Variants in SLC38A5 observed in about 807,000 individuals in gnomAD.
SLC38A5 encodes the protein sodium-coupled neutral amino acid transporter 5.
Under a neutral mutation model 34.6 loss-of-function variants are expected in SLC38A5, and 9 were observed. That is an observed-to-expected ratio of 0.26 (90% CI 0.16 to 0.45). The LOEUF is 0.45. Ranked by LOEUF, SLC38A5 falls within the 20% of genes least tolerant of loss-of-function variation. The pLI, the probability that SLC38A5 is intolerant of heterozygous loss-of-function variation, is 1.00. For synonymous variants in SLC38A5, 157 were observed against 155.6 expected (o/e 1.01, Z -0.07); for missense variants, 253 against 394.7 (o/e 0.64, Z 3.04).
At position 48,460,742 on chromosome X, in the gene SLC38A5, C is replaced by A; in HGVS notation, c.975G>T (p.Leu325=). ...GCGGGTCCTTCTGGCTGTACATGTG[C>A]AGCATCTCCGCCTTCACACTGCCTG... The part of the protein sequence containing the change: ...TFYSSVKAEM[L]HMYSQKDPLI... Residue 325 remains leucine, a synonymous_variant, in exon 14 of 17, where the codon CTG becomes CTT. Coordinates refer to ENST00000620913, the MANE Select transcript of SLC38A5 (RefSeq NM_033518.4). 8.3e-7 allele frequency: 1 copy of A among 1,211,710 alleles called. No homozygotes were observed. Among genetic ancestry groups the A allele is most frequent in the Non-Finnish European group, 1.1e-6 (1 of 895,374 alleles).
At chrX:48,463,901 AAGAAAGAAAG>A (rs1569469998) in intron 8 of SLC38A5, among the ~76,000 whole-genome samples, 3 of 106,128 alleles carry the variant, frequency 2.8e-5, no homozygotes, top group Admixed American at 1.0e-4. Context: ...GAAAGAAAGA[AAGAAAGAAAG>A]AGAAAGAAAG....
chrX:48,463,847 AAG>A (rs200249289), intron 8 of SLC38A5, among the ~76,000 whole-genome samples: 10 of 73,553 alleles, frequency 1.4e-4, no homozygotes, highest in Admixed American at 5.0e-4. Flanking sequence ...GGAAGAAAGA[AAG>A]AGAGAGAAAG....
In SLC38A5 at chrX:48,459,945, TCTTTAGCTCC is replaced by T. The variant is rs1440723953; in HGVS notation, c.1069-79_1069-70del. On this transcript the variant is annotated intron_variant, in intron 14 of 16. Transcript: ENST00000620913. ...TGCCCCCCTTCCACGTGATCATCTG[TCTTTAGCTCC>T]ACCCTCTGGCTGAGATCCCTGATTT... The T allele has an allele frequency of 9.5e-4, 1,077 of 1,138,562 alleles. 5 individuals are homozygous for T. In the African/African-American group the frequency reaches 0.017, roughly 18 times the overall value. 93.8% of individuals were successfully genotyped at this position (1,138,562 alleles called of 1,213,427 possible).
rs2061488098 is a variant in SLC38A5, at chrX:48,467,635, G to A, written c.129+75C>T. The A allele has an allele frequency of 3.9e-6, 4 of 1,012,726 alleles. No individual in the cohort carries two copies. In the African/African-American group the frequency reaches 7.6e-5, roughly 19 times the overall value. The allele number at this position is 1,012,726 out of a possible 1,213,427, so 83.5% of individuals were successfully genotyped here. ...GGGAACAGCAGGGAGGAGGAGGAGT[G>A]GGGAAGAGGGAGCAGTGCGGGAGGA... On this transcript the variant is annotated intron_variant, in intron 4 of 16. Coordinates refer to ENST00000620913, the MANE Select transcript of SLC38A5 (RefSeq NM_033518.4).
chrX:48,459,439 C>G (rs1556961360), intron 16 of SLC38A5, 97 bp downstream of exon 16: 10 of 779,667 alleles, frequency 1.3e-5, no homozygotes, highest in Non-Finnish European at 1.8e-5. Context: ...TCCCAGCCCC[C>G]TCCTATGCAT....
intron 1 of SLC38A5, chrX:48,469,781 A>T (rs1556964546): frequency 8.9e-6 from 1 of 112,276 alleles, no homozygotes; most frequent in Non-Finnish European, 1.9e-5. Flanking sequence ...CACAGAAGGG[A>T]CAGAAAGACA....
At chrX:48,468,548 GC>G in intron 2 of SLC38A5, 1 of 297,669 alleles carries the variant, frequency 3.4e-6, no homozygotes, top group Non-Finnish European at 4.5e-6. Context: ...GGAGACCCCT[GC>G]CCCAGACGCT....
At position 48,460,654 on chromosome X, in the gene SLC38A5, A is replaced by G; in HGVS notation, c.1063T>C (p.Phe355Leu). Reference protein sequence around the residue: ...AVTLTVPVVLFPIRRALQQLL... With the variant: ...AVTLTVPVVLLPIRRALQQLL... ...CAGCCGTGGGCCCCACGCACAGGGA[A>G]CAGCACGACTGGCACAGTGAGGGTC... Residue 355 changes from phenylalanine to leucine, a missense_variant, in exon 14 of 17, where the codon TTC becomes CTC. By Grantham distance (22) the Phe-to-Leu change is conservative (BLOSUM62 0). Transcript: ENST00000620913. 8.3e-7 allele frequency: 1 copy of G among 1,211,386 alleles called. No homozygotes were observed. The highest frequency in any genetic ancestry group is 1.1e-6 in the Non-Finnish European group (1 of 895,227).
rs1569471226 is a variant in SLC38A5, at chrX:48,467,903, T to C, written c.22A>G (p.Met8Val). Residue 8 changes from methionine to valine, a missense_variant, in exon 3 of 17, where the codon ATG becomes GTG. Met to Val is a conservative substitution (Grantham distance 21). Coordinates refer to ENST00000620913, the MANE Select transcript of SLC38A5 (RefSeq NM_033518.4). ...GCATCCGAAGGGAGGGCTCCATTCATCTTTGGATCCTGCAGTTCCATCCTG... is the reference window on the plus strand; with the variant it reads ...GCATCCGAAGGGAGGGCTCCATTCACCTTTGGATCCTGCAGTTCCATCCTG... MELQDPKMNGALPSDAVG... is the reference protein window; with the variant it reads MELQDPKVNGALPSDAVG... 1.7e-6 allele frequency: 2 copies of C among 1,206,935 alleles called. No homozygotes were observed. Among genetic ancestry groups the C allele is most frequent in the East Asian group, 3.0e-5 (1 of 33,717 alleles).
At chrX:48,465,312 A>G in intron 8 of SLC38A5, among the ~76,000 whole-genome samples, 1 of 108,932 alleles carries the variant, frequency 9.2e-6, no homozygotes, top group East Asian at 2.9e-4. Context: ...TTCAGGGATC[A>G]CACACACACA....
intron 1 of SLC38A5, 87 bp downstream of exon 1, chrX:48,470,095 G>A (rs2061502618): frequency 8.8e-6 from 1 of 113,150 alleles, no homozygotes. Context: ...GGAGAAAAGA[G>A]GCAGAGAGAG....
Position 48,467,629 on chromosome X carries a change from A to G in SLC38A5, c.129+81T>C. 6 of 967,152 alleles carry G rather than the reference A, an allele frequency of 6.2e-6. 1 individual carries two copies. The South Asian group carries it at 1.2e-4, about 20-fold the overall frequency. 79.7% of individuals were successfully genotyped at this position (967,152 alleles called of 1,213,427 possible). On this transcript the variant is annotated intron_variant, in intron 4 of 16. Transcript: ENST00000620913. Reference sequence around the variant, plus strand: ...GGGCAGGGGAACAGCAGGGAGGAGGAGGAGTGGGGAAGAGGGAGCAGTGCG... The same window carrying G: ...GGGCAGGGGAACAGCAGGGAGGAGGGGGAGTGGGGAAGAGGGAGCAGTGCG...
rs1382047126 is a variant in SLC38A5, at chrX:48,462,089, A to G, written c.689T>C (p.Met230Thr). 8.5e-6 allele frequency: 10 copies of G among 1,183,162 alleles called. No homozygotes were observed. The highest frequency in any genetic ancestry group is 1.1e-5 in the Non-Finnish European group (10 of 878,930). Reference protein sequence around the residue: ...GCAIGHNETAMESEALVGLPS... With the variant: ...GCAIGHNETATESEALVGLPS... ...GAGTCCCACGAGAGCTTCACTCTCC[A>G]TTGCTGTTTCATTGTGGCCTATAGC... Residue 230 changes from methionine (M) to threonine (T), a missense_variant, in exon 11 of 17, where the codon ATG becomes ACG. Coordinates refer to ENST00000620913, the MANE Select transcript of SLC38A5 (RefSeq NM_033518.4).
chrX:48,462,141 T>C lies in SLC38A5; in HGVS notation c.637A>G (p.Ile213Val). ...TCMLFFLVSVIYKKFQLGCAI... is the reference protein window; with the variant it reads ...TCMLFFLVSVVYKKFQLGCAI... ...CAGCCAAGTTGGAACTTCTTGTAGA[T>C]GACCTGAGGATGGGGGCAGCAGGGA... The change falls in exon 11 of 17, where the codon ATC (isoleucine) becomes GTC (valine). Residue 213 changes from isoleucine to valine, a missense_variant. Ile to Val is a conservative substitution (Grantham distance 29). Transcript: ENST00000620913. The C allele has an allele frequency of 8.3e-7, 1 of 1,207,525 alleles. No homozygotes were observed. Among genetic ancestry groups the C allele is most frequent in the Non-Finnish European group, 1.1e-6 (1 of 892,585 alleles).
intron 16 of SLC38A5, chrX:48,459,272 C>A: frequency 4.5e-6 from 2 of 440,516 alleles, no homozygotes; most frequent in East Asian, 7.6e-5. Flanking sequence ...CAGCTCTCTT[C>A]CCAATAGTGC....
chrX:48,465,618 C>T (rs1266511533), intron 8 of SLC38A5, among the ~76,000 whole-genome samples: 2 of 111,602 alleles, frequency 1.8e-5, no homozygotes, highest in African/African-American at 3.3e-5. Flanking sequence ...GGTTGGAATC[C>T]CAGTATACGG....
chrX:48,468,070 C>G, intron 2 of SLC38A5, 145 bp from the exon 3 acceptor site: 1 of 834,772 alleles, frequency 1.2e-6, no homozygotes, highest in Non-Finnish European at 1.7e-6. Flanking sequence ...CAGGAACAGA[C>G]AGGGATAGAA....
At position 48,458,998 on chromosome X, in the gene SLC38A5, C is replaced by T; in HGVS notation, c.1354G>A (p.Ala452Thr). ...GCAAACATAAAGCCTAGACTGACGG[C>T]CATGAAGAGGACTCCCAGGACTCCA... ...CFGVLGVLFMAVSLGFMFANW... is the reference protein window; with the variant it reads ...CFGVLGVLFMTVSLGFMFANW... Residue 452 changes from alanine to threonine, a missense_variant, in exon 17 of 17, where the codon GCC becomes ACC. Transcript: ENST00000620913. 1.7e-6 allele frequency: 2 copies of T among 1,195,869 alleles called. No individual in the cohort carries two copies. Among genetic ancestry groups the T allele is most frequent in the Non-Finnish European group, 2.3e-6 (2 of 886,768 alleles).
At chrX:48,464,497 G>A (rs1431471513) in intron 8 of SLC38A5, among the ~76,000 whole-genome samples, 1 of 112,634 alleles carries the variant, frequency 8.9e-6, no homozygotes, top group African/African-American at 3.2e-5. Context: ...CAAGCACTCA[G>A]TTAAAATTGT....
Sources: gnomAD v4.1 joint callset for allele counts (sites outside exome capture counted in the v4.1 genomes callset) on GRCh38, gnomAD v4.1.1 for gene constraint, MANE v1.5 for transcripts, NCBI Gene and HGNC (gene_info 2026-07-23, HGNC 2026-07-21) for gene names.